SLC39A11: variants seen among roughly 807,000 people sequenced by gnomAD.
SLC39A11 encodes solute carrier family 39 member 11, also known as zinc transporter ZIP11.
SLC39A11 carries 33 observed loss-of-function variants against 36.1 expected under a neutral mutation model. The observed-to-expected ratio is 0.91, with a 90% CI of 0.69 to 1.22. The LOEUF is 1.22. SLC39A11 is among the 50% of genes most tolerant of loss of function. The pLI is 0.00. For missense variants in SLC39A11, 432 were observed against 430.3 expected, an observed-to-expected ratio of 1.00 and a Z score of -0.03; for synonymous variants, 166 against 170.3, an observed-to-expected ratio of 0.97 and a Z score of 0.20.
At chr17:73,069,003 C>G (rs1384627841) in intron 3 of SLC39A11, among the ~76,000 whole-genome samples, 1 of 152,202 alleles carries the variant, frequency 6.6e-6, no homozygotes, top group Admixed American at 6.5e-5. Context: ...GGGCCTCAAC[C>G]TACCTCTCTG....
intron 5 of SLC39A11, among the ~76,000 whole-genome samples, chr17:72,894,059 T>A (rs2081900710): frequency 6.6e-6 from 1 of 151,922 alleles, no homozygotes; most frequent in South Asian, 2.1e-4. Context: ...ATGCTCATGA[T>A]AAATAGAAAA....
intron 4 of SLC39A11, among the ~76,000 whole-genome samples, chr17:72,949,904 G>A (rs2085736940): frequency 6.6e-6 from 1 of 150,900 alleles, no homozygotes; most frequent in Non-Finnish European, 1.5e-5. Context: ...TCTTGGATAA[G>A]TTCCTTTCAT....
At chr17:72,903,353 T>C (rs1347027615) in intron 5 of SLC39A11, among the ~76,000 whole-genome samples, 1 of 151,672 alleles carries the variant, frequency 6.6e-6, no homozygotes, top group East Asian at 1.9e-4. Flanking sequence ...CTTGGATGGA[T>C]CTTCAACAAC....
intron 7 of SLC39A11, among the ~76,000 whole-genome samples, chr17:72,692,171 C>T (rs2072061291): frequency 6.6e-6 from 1 of 152,106 alleles, no homozygotes; most frequent in Non-Finnish European, 1.5e-5. Flanking sequence ...GCCACCACAC[C>T]TGGCTAATTT....
intron 5 of SLC39A11, among the ~76,000 whole-genome samples, chr17:72,880,407 C>A (rs191642647): frequency 3.3e-5 from 5 of 151,720 alleles, no homozygotes; most frequent in African/African-American, 1.2e-4. Flanking sequence ...TGTCTCTACT[C>A]CCCCACAAAA....
intron 7 of SLC39A11, among the ~76,000 whole-genome samples, chr17:72,713,985 A>C (rs968507341): frequency 5.3e-5 from 8 of 152,186 alleles, no homozygotes. Flanking sequence ...CAGGGACCTC[A>C]AATTTAGATC....
intron 6 of SLC39A11, among the ~76,000 whole-genome samples, chr17:72,849,312 A>G (rs1022452290): frequency 1.3e-5 from 2 of 152,206 alleles, no homozygotes; most frequent in African/African-American, 4.8e-5. Flanking sequence ...AACCAGAGAT[A>G]CCCAGTATTT....
At chr17:72,875,763 T>C (rs1010029881) in intron 5 of SLC39A11, among the ~76,000 whole-genome samples, 2 of 152,192 alleles carry the variant, frequency 1.3e-5, no homozygotes, top group African/African-American at 4.8e-5. Context: ...TGTCAGACCC[T>C]CCTTCTGAGG....
At chr17:73,060,061 C>T (rs12603271) in intron 3 of SLC39A11, among the ~76,000 whole-genome samples, 9,358 of 151,620 alleles carry the variant, frequency 0.062, 430 homozygotes, top group East Asian at 0.22. Context: ...ATACAAAAAT[C>T]GGCCAAGCAT....
intron 4 of SLC39A11, among the ~76,000 whole-genome samples, chr17:73,023,874 C>T (rs912461978): frequency 1.3e-5 from 2 of 152,068 alleles, no homozygotes; most frequent in African/African-American, 4.8e-5. Context: ...TAAAGAAACA[C>T]CAGGGATGTG....
At chr17:72,769,289 G>GTGGTGTCACTCATATACAA (rs2075854467) in intron 6 of SLC39A11, among the ~76,000 whole-genome samples, 1 of 152,180 alleles carries the variant, frequency 6.6e-6, no homozygotes, top group Admixed American at 6.5e-5. Flanking sequence ...CTCATATACA[G>GTGGTGTCACTCATATACAA]TGTTGTCACT....
intron 4 of SLC39A11, among the ~76,000 whole-genome samples, chr17:73,004,203 G>A (rs2090021691): frequency 8.1e-6 from 1 of 123,446 alleles, no homozygotes; most frequent in Non-Finnish European, 1.7e-5. Flanking sequence ...AAGAAAGAAA[G>A]AAAGAAAGAA....
intron 6 of SLC39A11, among the ~76,000 whole-genome samples, chr17:72,786,829 G>GT (rs11368806): frequency 0.073 from 11,106 of 151,798 alleles, 428 homozygotes; most frequent in African/African-American, 0.086. Flanking sequence ...TATTTTTCTT[G>GT]TTTTTTTTGA....
chr17:72,786,139 A>C (rs1204824529), intron 6 of SLC39A11, among the ~76,000 whole-genome samples: 3 of 152,210 alleles, frequency 2.0e-5, no homozygotes, highest in African/African-American at 7.2e-5. Flanking sequence ...GGGTTTTAGC[A>C]ATTGACTGCA....
intron 7 of SLC39A11, among the ~76,000 whole-genome samples, chr17:72,658,451 G>A (rs374456853): frequency 3.3e-5 from 5 of 152,200 alleles, no homozygotes; most frequent in African/African-American, 7.2e-5. Context: ...AGGCATCCCC[G>A]GTGGGCAGTT....
intron 7 of SLC39A11, among the ~76,000 whole-genome samples, chr17:72,703,914 A>C (rs2072769808): frequency 6.6e-6 from 1 of 152,178 alleles, no homozygotes; most frequent in Non-Finnish European, 1.5e-5. Context: ...AATCCTTTGA[A>C]GCCAGGAGTT....
chr17:72,704,182 T>C (rs2072782103), intron 7 of SLC39A11, among the ~76,000 whole-genome samples: 3 of 152,198 alleles, frequency 2.0e-5, no homozygotes, highest in Admixed American at 6.5e-5. Context: ...GCCCAAACAC[T>C]GTATGGAGCA....
At chr17:72,976,210 C>A (rs2087840090) in intron 4 of SLC39A11, among the ~76,000 whole-genome samples, 1 of 147,052 alleles carries the variant, frequency 6.8e-6, no homozygotes. Context: ...AATGTCTTAG[C>A]ATTCTTATGA....
intron 5 of SLC39A11, among the ~76,000 whole-genome samples, chr17:72,917,659 T>C (rs756981228): frequency 6.6e-6 from 1 of 152,214 alleles, no homozygotes; most frequent in Non-Finnish European, 1.5e-5. Flanking sequence ...CCTTGTGACA[T>C]GTGGACGTCA....
Sources: gnomAD v4.1 joint callset for allele counts (sites outside exome capture counted in the v4.1 genomes callset) on GRCh38, gnomAD v4.1.1 for gene constraint, MANE v1.5 for transcripts, NCBI Gene and HGNC (gene_info 2026-07-23, HGNC 2026-07-21) for gene names.